Variants in GAPDH observed in about 807,000 individuals in gnomAD.
GAPDH encodes the protein glyceraldehyde-3-phosphate dehydrogenase.
Under a neutral mutation model 31.2 loss-of-function variants are expected in GAPDH, and 13 were observed. That is an observed-to-expected ratio of 0.42 (90% confidence interval 0.27 to 0.66). GAPDH has a LOEUF of 0.66. GAPDH is among the 30% of genes least tolerant of loss of function. The probability of loss-of-function intolerance (pLI) is 0.26; values close to 1 mark genes in which losing one functional copy is unlikely to be tolerated. For missense variants in GAPDH, 300 were observed against 443.7 expected (o/e 0.68, Z 2.91); for synonymous variants, 211 against 166.9 (o/e 1.26, Z -2.04).
rs757981202 is a variant in GAPDH at position 6,537,785 on chromosome 12, G to A, written c.727G>A (p.Val243Met). ...FRVPTANVSV[V>M]DLTCRLEKPA... ...TGTCCCCACTGCCAACGTGTCAGTG[G>A]TGGACCTGACCTGCCGTCTAGAAAA... Residue 243 changes from valine (V) to methionine (M), a missense_variant, in exon 8 of 9, where the codon GTG (valine) becomes ATG (methionine). By Grantham distance (21) the Val-to-Met change is conservative. Coordinates refer to ENST00000229239, the MANE Select transcript of GAPDH (RefSeq NM_002046.7). This position sits in a 1 kb window ranked among gnomAD's most constrained non-coding sequence, Gnocchi z 4.9. The A allele has an allele frequency of 2.5e-6, 4 of 1,611,848 alleles. No individual in the cohort carries two copies. The Admixed American group carries it at 6.7e-5, about 27-fold the overall frequency.
rs757090796 is a variant in GAPDH, at chr12:6,537,665, C to T, written c.607C>T (p.Leu203Phe). ...GKLWRDGRGA[L>F]QNIIPASTGA... ...ACTGTGGCGTGATGGCCGCGGGGCT[C>T]TCCAGAACATCATCCCTGCCTCTAC... is the stretch of plus-strand genomic sequence containing the variant. Residue 203 changes from leucine to phenylalanine, a missense_variant, in exon 8 of 9, where the codon CTC becomes TTC. Coordinates refer to ENST00000229239, the MANE Select transcript of GAPDH (RefSeq NM_002046.7). The surrounding 1 kb of genome is among the most constrained non-coding windows in gnomAD (Gnocchi z 4.9). The T allele has an allele frequency of 1.1e-5, 17 of 1,611,294 alleles. No individual in the cohort carries two copies. Among genetic ancestry groups the T allele is most frequent in the Non-Finnish European group, 4.2e-6 (5 of 1,179,842 alleles).
chr12:6,534,734 CTGGTGGGGGAGGGGAGGGGAGGCG>C, intron 1 of GAPDH, 52 bp from the exon 2 acceptor site: 1 of 1,305,378 alleles, frequency 7.7e-7, no homozygotes, highest in Non-Finnish European at 1.1e-6. Context: ...GCATGGAGGC[CTGGTGGGGGAGGGGAGGGGAGGCG>C]TGTGTGTCGG....
intron 2 of GAPDH, chr12:6,535,585 G>T: frequency 4.8e-6 from 2 of 416,902 alleles, no homozygotes; most frequent in Non-Finnish European, 6.4e-6. Flanking sequence ...GTTGGAAAAG[G>T]ACATTTCCAC....
chr12:6,537,256 C>T lies in GAPDH; in HGVS notation c.443+40C>T. ...GCCCGTGGAGAAGCGGCCAGCCTGG[C>T]ACCCTATGGACACGCTCCCCTGACT... On this transcript the variant is annotated intron_variant, in intron 6 of 8. Transcript: ENST00000229239. The surrounding 1 kb of genome is among the most constrained non-coding windows in gnomAD (Gnocchi z 4.9). The T allele has an allele frequency of 2.5e-6, 4 of 1,596,250 alleles. No homozygotes were observed. The highest frequency in any genetic ancestry group is 2.7e-5 in the African/African-American group (2 of 74,866).
intron 2 of GAPDH, chr12:6,535,524 G>T (rs1946444523): frequency 1.9e-5 from 17 of 877,326 alleles, no homozygotes; most frequent in South Asian, 1.0e-4. Context: ...CCCCGCAGAG[G>T]TGTGGTGGCT....
At chr12:6,534,780 A>G (rs1022036623) in intron 1 of GAPDH, 30 bp from the exon 2 acceptor site, 6 of 1,599,272 alleles carry the variant, frequency 3.8e-6, no homozygotes, top group Non-Finnish European at 5.1e-6. Context: ...CGGGGCCACT[A>G]GGCGCTCACT....
rs1165664086 is a variant in GAPDH at position 6,537,280 on chromosome 12, C to CT, written c.444-27dup. 1 of 1,600,144 alleles carries CT rather than the reference C, an allele frequency of 6.2e-7. No individual in the cohort carries two copies. ...GCACCCTATGGACACGCTCCCCTGA[C>CT]TTGCGCCCCGCTCCCTCTTTCTTTG... On this transcript the variant is annotated intron_variant, in intron 6 of 8. Transcript: ENST00000229239. This position sits in a 1 kb window ranked among gnomAD's most constrained non-coding sequence, Gnocchi z 4.9.
intron 2 of GAPDH, chr12:6,535,118 GC>G: frequency 1.2e-6 from 1 of 850,120 alleles, no homozygotes; most frequent in Non-Finnish European, 1.6e-6. Flanking sequence ...CCCTACTCCC[GC>G]CCGAGATCCC....
At chr12:6,535,310 G>A in intron 2 of GAPDH, 2 of 1,000,116 alleles carry the variant, frequency 2.0e-6, no homozygotes. Context: ...GTTGCAACCG[G>A]GAAGGAAATG....
chr12:6,535,994 C>A (rs1170692858), intron 2 of GAPDH, among the ~76,000 whole-genome samples: 1 of 152,216 alleles, frequency 6.6e-6, no homozygotes, highest in Admixed American at 6.5e-5. Flanking sequence ...AGCTTCCCCT[C>A]TTCCCACCCG....
rs1212770703 is a variant in GAPDH, at chr12:6,537,547, G to A, written c.526-37G>A. On this transcript the variant is annotated intron_variant, in intron 7 of 8. Transcript: ENST00000229239. The surrounding 1 kb of genome is among the most constrained non-coding windows in gnomAD (Gnocchi z 4.9). ...GTGGGGAGGGAGGTAGAGGGGTGAT[G>A]TGGGGAGTACGCTGCAGGGCCTCAC... 1 of 1,597,624 alleles carries A rather than the reference G, an allele frequency of 6.3e-7. No individual in the cohort carries two copies. Among genetic ancestry groups the A allele is most frequent in the African/African-American group, 1.3e-5 (1 of 74,786 alleles).
Position 6,537,915 on chromosome 12 carries a change from T to TC in GAPDH, c.858dup (p.Asn287GlnfsTer10). The TC allele has an allele frequency of 6.2e-7, 1 of 1,614,068 alleles. No homozygotes were observed. The highest frequency in any genetic ancestry group is 8.5e-7 in the Non-Finnish European group (1 of 1,180,024). Reference sequence around the variant, plus strand: ...GAGCACCAGGTGGTCTCCTCTGACTTCAACAGCGACACCCACTCCTCCACC... The same window carrying TC: ...GAGCACCAGGTGGTCTCCTCTGACTTCCAACAGCGACACCCACTCCTCCACC... On this transcript the variant is annotated frameshift_variant, in exon 8 of 9. Coordinates refer to ENST00000229239, the MANE Select transcript of GAPDH (RefSeq NM_002046.7). LOFTEE classifies it high-confidence loss of function. This position sits in a 1 kb window ranked among gnomAD's most constrained non-coding sequence, Gnocchi z 4.9.
rs772747939 is a variant in GAPDH, at chr12:6,537,363, C to G, written c.498C>G (p.Asp166Glu). Residue 166 changes from aspartate (D) to glutamate (E), a missense_variant, in exon 7 of 9, where the codon GAC becomes GAG. Coordinates refer to ENST00000229239, the MANE Select transcript of GAPDH (RefSeq NM_002046.7). This position sits in a 1 kb window ranked among gnomAD's most constrained non-coding sequence, Gnocchi z 4.9. ...CACCCCTGGCCAAGGTCATCCATGA[C>G]AACTTTGGTATCGTGGAAGGACTCA... is the stretch of plus-strand genomic sequence containing the variant. ...CLAPLAKVIHDNFGIVEGLMT... is the reference protein window; with the variant it reads ...CLAPLAKVIHENFGIVEGLMT... The G allele has an allele frequency of 2.5e-6, 4 of 1,609,490 alleles. No homozygotes were observed. The South Asian group carries it at 4.4e-5, about 18-fold the overall frequency.
chr12:6,535,514 C>T (rs1053376391), intron 2 of GAPDH: 25 of 915,152 alleles, frequency 2.7e-5, no homozygotes, highest in Admixed American at 6.2e-5. Flanking sequence ...TGTGTCCCCT[C>T]CCCGCAGAGG....
rs1222152422 is a variant in GAPDH at position 6,537,565 on chromosome 12, G to C, written c.526-19G>C. On this transcript the variant is annotated intron_variant, in intron 7 of 8. Coordinates refer to ENST00000229239, the MANE Select transcript of GAPDH (RefSeq NM_002046.7). This position sits in a 1 kb window ranked among gnomAD's most constrained non-coding sequence, Gnocchi z 4.9. ...GGGTGATGTGGGGAGTACGCTGCAG[G>C]GCCTCACTCCTTTTGCAGACCACAG... 4 of 1,604,704 alleles carry C rather than the reference G, an allele frequency of 2.5e-6. No individual in the cohort carries two copies. The African/African-American group carries it at 4.0e-5, about 16-fold the overall frequency.
In GAPDH at chr12:6,537,499, C is replaced by T; in HGVS notation, c.526-85C>T. 6.3e-7 allele frequency: 1 copy of T among 1,583,950 alleles called. No homozygotes were observed. On this transcript the variant is annotated intron_variant, in intron 7 of 8. Coordinates refer to ENST00000229239, the MANE Select transcript of GAPDH (RefSeq NM_002046.7). This position sits in a 1 kb window ranked among gnomAD's most constrained non-coding sequence, Gnocchi z 4.9. ...TGGGGTTGGGGGTTCTGGGGACTGGCTTTCCCATAATTTCCTTTCAAGGTG... is the reference window on the plus strand; with the variant it reads ...TGGGGTTGGGGGTTCTGGGGACTGGTTTTCCCATAATTTCCTTTCAAGGTG...
At chr12:6,535,208 C>A in intron 2 of GAPDH, 1 of 1,102,886 alleles carries the variant, frequency 9.1e-7, no homozygotes, top group African/African-American at 1.6e-5. Flanking sequence ...AGCCCCTCCC[C>A]CACGGCCTCC....
rs1946501393 is a variant in GAPDH, at chr12:6,537,423, C to T, written c.525+33C>T. On this transcript the variant is annotated intron_variant, in intron 7 of 8. Transcript: ENST00000229239. This position sits in a 1 kb window ranked among gnomAD's most constrained non-coding sequence, Gnocchi z 4.9. ...AGCTGGGGAATGGGACTGAGGCTCC[C>T]ACCTTTCTCATCCAAGACTGGCTCC... 1 of 1,597,052 alleles carries T rather than the reference C, an allele frequency of 6.3e-7. No homozygotes were observed. Among genetic ancestry groups the T allele is most frequent in the Non-Finnish European group, 8.6e-7 (1 of 1,167,552 alleles).
chr12:6,536,077 C>T (rs771266566), intron 2 of GAPDH, among the ~76,000 whole-genome samples: 5 of 152,228 alleles, frequency 3.3e-5, no homozygotes, highest in Admixed American at 2.0e-4. Context: ...TAATTTCTGA[C>T]CTTTACTCCT....
Sources: allele counts gnomAD v4.1 joint callset (sites outside exome capture counted in the v4.1 genomes callset), GRCh38; gene constraint gnomAD v4.1.1; non-coding constraint Gnocchi (gnomAD v3.1); transcripts MANE v1.5; gene names NCBI Gene and HGNC (gene_info 2026-07-23, HGNC 2026-07-21).